The following TMPRSS4 variants were observed in gnomAD, a reference collection of about 807,000 sequenced individuals.
TMPRSS4 encodes the protein transmembrane serine protease 4.
A neutral mutation model predicts 56.4 loss-of-function variants in TMPRSS4; 45 were observed. The ratio of observed to expected loss-of-function variants is 0.80; its 90% CI spans 0.63 to 1.02. The LOEUF (loss-of-function observed/expected upper bound fraction) is 1.02, where lower values mean the gene tolerates loss of function less well. TMPRSS4 is among the 50% of genes least tolerant of loss of function. The pLI is 0.00. For synonymous variants in TMPRSS4, 205 were observed against 211.0 expected, an observed-to-expected ratio of 0.97 and a Z score of 0.25; for missense variants, 546 against 556.7, an observed-to-expected ratio of 0.98 and a Z score of 0.19.
chr11:118,096,279 G>C (rs9651684), intron 2 of TMPRSS4, among the ~76,000 whole-genome samples: 43,702 of 152,192 alleles, frequency 0.29, 6,804 homozygotes, highest in Middle Eastern at 0.36. Flanking sequence ...TCCCCACTGC[G>C]TGGCCTCTGT....
chr11:118,077,243 C>G lies in TMPRSS4; in HGVS notation c.-60C>G, dbSNP rs1166569996. On this transcript the variant is annotated 5_prime_UTR_variant, in exon 1 of 13. Transcript: ENST00000437212. ...CCTGTGTGGGGAGGCCCTCCTGCTG[C>G]CTTGGGGTGACAATCTCAGCTCCAG... 1.1e-5 allele frequency: 18 copies of G among 1,578,566 alleles called. No homozygotes were observed. The highest frequency in any genetic ancestry group is 1.5e-5 in the Non-Finnish European group (18 of 1,161,902).
chr11:118,108,581 T>C, intron 6 of TMPRSS4: 2 of 479,554 alleles, frequency 4.2e-6, no homozygotes, highest in Non-Finnish European at 3.7e-6. Context: ...CTCTTCCCTC[T>C]TGGGTCCCAG....
At chr11:118,082,739 A>T (rs1945242317) in intron 1 of TMPRSS4, among the ~76,000 whole-genome samples, 1 of 152,188 alleles carries the variant, frequency 6.6e-6, no homozygotes, top group South Asian at 2.1e-4. Context: ...AATTACCAGG[A>T]GACCATTAAC....
In TMPRSS4 at chr11:118,094,862, TC is replaced by T; in HGVS notation, c.43+8del. Reference sequence around the variant, plus strand: ...CAACCTCTGAACAGCCTCGGTAAGTTCAGGTCCGGCTTTCATTCGTCCACCT... The same window carrying T: ...CAACCTCTGAACAGCCTCGGTAAGTTAGGTCCGGCTTTCATTCGTCCACCT... On this transcript the variant is annotated splice_region_variant and intron_variant, in intron 2 of 12. Coordinates refer to ENST00000437212, the MANE Select transcript of TMPRSS4 (RefSeq NM_019894.4). 6.2e-7 allele frequency: 1 copy of T among 1,612,192 alleles called. No individual in the cohort carries two copies. The highest frequency in any genetic ancestry group is 8.5e-7 in the Non-Finnish European group (1 of 1,179,258).
intron 1 of TMPRSS4, among the ~76,000 whole-genome samples, chr11:118,077,700 T>C (rs977474088): frequency 1.3e-5 from 2 of 152,186 alleles, no homozygotes; most frequent in Non-Finnish European, 2.9e-5. Flanking sequence ...CTGGGGAAAC[T>C]GATTCCTTTT....
chr11:118,107,967 C>A, intron 6 of TMPRSS4, 92 bp downstream of exon 6: 1 of 1,011,476 alleles, frequency 9.9e-7, no homozygotes, highest in Non-Finnish European at 1.5e-6. Context: ...CCCCAAGCAG[C>A]CAGGGGAATG....
chr11:118,094,331 A>C (rs1382846009), intron 1 of TMPRSS4, among the ~76,000 whole-genome samples: 1 of 152,228 alleles, frequency 6.6e-6, no homozygotes, highest in African/African-American at 2.4e-5. Context: ...AATTTTAGCC[A>C]TTTAGTATTT....
intron 1 of TMPRSS4, among the ~76,000 whole-genome samples, chr11:118,080,325 T>C (rs973580111): frequency 2.6e-4 from 40 of 152,252 alleles, no homozygotes; most frequent in African/African-American, 9.4e-4. Context: ...ACTGCATGTG[T>C]GAACAGCAAG....
At chr11:118,111,619 C>G in intron 7 of TMPRSS4, 122 bp from the exon 8 acceptor site, 2 of 708,218 alleles carry the variant, frequency 2.8e-6, no homozygotes, top group Non-Finnish European at 4.4e-6. Flanking sequence ...GGCTGGTCCT[C>G]TCTCCACTCT....
intron 1 of TMPRSS4, among the ~76,000 whole-genome samples, chr11:118,079,166 C>T (rs1359050974): frequency 6.6e-6 from 1 of 152,116 alleles, no homozygotes; most frequent in Non-Finnish European, 1.5e-5. Flanking sequence ...AAGTTTCTAG[C>T]CCCGGAGCTA....
At chr11:118,077,461 G>C (rs756311465) in intron 1 of TMPRSS4, among the ~76,000 whole-genome samples, 156 bp downstream of exon 1, 1 of 152,118 alleles carries the variant, frequency 6.6e-6, no homozygotes, top group Non-Finnish European at 1.5e-5. Flanking sequence ...ACCCCAGCCC[G>C]GTACACGTCT....
intron 4 of TMPRSS4, among the ~76,000 whole-genome samples, chr11:118,104,308 C>A (rs976567850): frequency 6.6e-6 from 1 of 152,138 alleles, no homozygotes; most frequent in Non-Finnish European, 1.5e-5. Flanking sequence ...CCAGGCTGGG[C>A]AAGTTGTGTG....
downstream of TMPRSS4, among the ~76,000 whole-genome samples, chr11:118,122,929 C>T (rs1416472215): frequency 6.6e-6 from 1 of 152,062 alleles, no homozygotes; most frequent in Admixed American, 6.6e-5. Flanking sequence ...CTTGAAGGAG[C>T]CTCTTTGCCC....
intron 2 of TMPRSS4, among the ~76,000 whole-genome samples, chr11:118,098,127 A>G (rs1946511454): frequency 6.6e-6 from 1 of 152,186 alleles, no homozygotes; most frequent in Non-Finnish European, 1.5e-5. Context: ...AAAACTTTCA[A>G]TGGCTCCTCA....
At chr11:118,103,075 T>C (rs1946801166) in intron 3 of TMPRSS4, 26 bp from the exon 4 acceptor site, 1 of 1,612,810 alleles carries the variant, frequency 6.2e-7, no homozygotes. Flanking sequence ...CAGCCCTCTC[T>C]GCCTCTCCCT....
At chr11:118,096,825 G>GGAAAGGA (rs1565421994) in intron 2 of TMPRSS4, among the ~76,000 whole-genome samples, 370 of 21,324 alleles carry the variant, frequency 0.017, 139 homozygotes, top group Admixed American at 0.025. Context: ...GAAAGAAAGA[G>GGAAAGGA]AGAAAGAAAG....
intron 1 of TMPRSS4, among the ~76,000 whole-genome samples, chr11:118,090,821 AACACACAC>A (rs375243175): frequency 2.1e-5 from 3 of 140,342 alleles, no homozygotes; most frequent in Non-Finnish European, 4.7e-5. Flanking sequence ...CACACACACA[AACACACAC>A]ACACACACAC....
intron 11 of TMPRSS4, 52 bp from the exon 12 acceptor site, chr11:118,117,253 C>T (rs1565443042): frequency 2.5e-6 from 4 of 1,591,086 alleles, no homozygotes; most frequent in Non-Finnish European, 2.6e-6. Flanking sequence ...GAAGGAGAAG[C>T]CCCCCCACCT....
chr11:118,078,756 C>G (rs981832098), intron 1 of TMPRSS4, among the ~76,000 whole-genome samples: 2 of 152,280 alleles, frequency 1.3e-5, no homozygotes, highest in Non-Finnish European at 1.5e-5. Flanking sequence ...ACTGCAGAAT[C>G]AGAAGGCTGA....
Sources: allele counts gnomAD v4.1 joint callset (sites outside exome capture counted in the v4.1 genomes callset), GRCh38; gene constraint gnomAD v4.1.1; transcripts MANE v1.5; gene names NCBI Gene and HGNC (gene_info 2026-07-23, HGNC 2026-07-21).